Variants in SH3KBP1 observed in about 807,000 individuals in gnomAD.
The protein encoded by SH3KBP1 is SH3 domain-containing kinase-binding protein 1.
Under a neutral mutation model 50.1 loss-of-function variants are expected in SH3KBP1, and 8 were observed. The ratio of observed to expected loss-of-function variants is 0.16; its 90% CI spans 0.09 to 0.29. The LOEUF (loss-of-function observed/expected upper bound fraction) is 0.29. SH3KBP1 is among the 10% of genes least tolerant of loss of function. The pLI is 1.00. For synonymous variants in SH3KBP1, 227 were observed against 218.6 expected (o/e 1.04, Z -0.34); for missense variants, 377 against 535.2 (o/e 0.70, Z 2.92).
At chrX:19,651,607 C>T (rs1455592682) in intron 6 of SH3KBP1, among the ~76,000 whole-genome samples, 1 of 112,392 alleles carries the variant, frequency 8.9e-6, no homozygotes, top group Non-Finnish European at 1.9e-5. Flanking sequence ...TCCTTGGTTG[C>T]CTCAAAAAGT....
chrX:19,880,498 G>A (rs1035164828), intron 1 of SH3KBP1, among the ~76,000 whole-genome samples: 3 of 112,602 alleles, frequency 2.7e-5, no homozygotes, highest in African/African-American at 9.7e-5. Context: ...AACATCTCAT[G>A]TACCCCACAA....
At chrX:19,703,696 CTGTGTGTGTGTGTGTGTGTGTGTGTG>C (rs56915755) in intron 4 of SH3KBP1, among the ~76,000 whole-genome samples, 1,662 of 63,498 alleles carry the variant, frequency 0.026, 50 homozygotes, top group African/African-American at 0.088. Flanking sequence ...AAAAGAGAAA[CTGTGTGTGTGTGTGTGTGTGTGTGTG>C]TGTGTGTGTG....
At chrX:19,779,298 CAAA>C (rs750278989) in intron 2 of SH3KBP1, among the ~76,000 whole-genome samples, 5 of 48,463 alleles carry the variant, frequency 1.0e-4, no homozygotes, top group Admixed American at 2.6e-4. Context: ...GACCCTGTCT[CAAA>C]AAAAAAAAAA....
At chrX:19,876,463 A>C (rs2069255109) in intron 1 of SH3KBP1, among the ~76,000 whole-genome samples, 1 of 111,838 alleles carries the variant, frequency 8.9e-6, no homozygotes, top group Non-Finnish European at 1.9e-5. Flanking sequence ...TCAGGACAAT[A>C]GAGCAGTCTC....
chrX:19,764,986 CTTTTTTTTTTTTTT>C (rs34368819), intron 2 of SH3KBP1, among the ~76,000 whole-genome samples: 18 of 44,551 alleles, frequency 4.0e-4, no homozygotes, highest in Non-Finnish European at 5.5e-4. Context: ...TTTTGCAGTT[CTTTTTTTTTTTTTT>C]TTTTTTTTTT....
intron 13 of SH3KBP1, among the ~76,000 whole-genome samples, chrX:19,554,441 C>T (rs1240182496): frequency 6.9e-5 from 6 of 87,575 alleles, no homozygotes; most frequent in Non-Finnish European, 1.3e-4. Context: ...TTGCTCTGTC[C>T]CTCAGTCTGC....
At chrX:19,684,749 C>T (rs1473992109) in intron 5 of SH3KBP1, among the ~76,000 whole-genome samples, 1 of 112,244 alleles carries the variant, frequency 8.9e-6, no homozygotes, top group Non-Finnish European at 1.9e-5. Context: ...CCTTTAAACA[C>T]CAGTGTTTTC....
intron 12 of SH3KBP1, among the ~76,000 whole-genome samples, chrX:19,572,462 C>T (rs770194621): frequency 3.3e-4 from 35 of 104,953 alleles, no homozygotes; most frequent in African/African-American, 1.2e-3. Flanking sequence ...ATATATAGTA[C>T]ATATATACTA....
At chrX:19,562,497 A>G (rs922163293) in intron 13 of SH3KBP1, among the ~76,000 whole-genome samples, 5 of 111,559 alleles carry the variant, frequency 4.5e-5, no homozygotes, top group Admixed American at 3.8e-4. Flanking sequence ...TCTTTGTTCT[A>G]TGAGACTACT....
Position 19,569,093 on chromosome X carries a change from C to T in SH3KBP1, c.1384+10G>A. 5 of 1,198,543 alleles carry T rather than the reference C, an allele frequency of 4.2e-6. No individual in the cohort carries two copies. The highest frequency in any genetic ancestry group is 4.5e-6 in the Non-Finnish European group (4 of 883,211). On this transcript the variant is annotated intron_variant, in intron 13 of 17. Transcript: ENST00000397821. ...CTGCAAAGAGAAGCGAGAACACTGTCCTTACTCACCAATGTCATTGCTGCG... is the reference window on the plus strand; with the variant it reads ...CTGCAAAGAGAAGCGAGAACACTGTTCTTACTCACCAATGTCATTGCTGCG...
intron 6 of SH3KBP1, chrX:19,670,981 G>A: frequency 9.2e-7 from 1 of 1,087,071 alleles, no homozygotes; most frequent in Non-Finnish European, 1.2e-6. Context: ...CTAACCCTGA[G>A]TCATACTTGG....
At chrX:19,541,472 T>C (rs2147534012) in intron 16 of SH3KBP1, among the ~76,000 whole-genome samples, 1 of 112,047 alleles carries the variant, frequency 8.9e-6, no homozygotes, top group Admixed American at 9.4e-5. Context: ...TACATCTTCT[T>C]CATACATTAC....
At chrX:19,860,881 T>C (rs770551978) in intron 1 of SH3KBP1, among the ~76,000 whole-genome samples, 4 of 111,558 alleles carry the variant, frequency 3.6e-5, no homozygotes, top group East Asian at 5.6e-4. Context: ...GTATTAGATA[T>C]AGTATAGCAT....
chrX:19,798,623 G>A (rs773146894), intron 2 of SH3KBP1, among the ~76,000 whole-genome samples: 1 of 111,590 alleles, frequency 9.0e-6, no homozygotes, highest in Non-Finnish European at 1.9e-5. Context: ...TTTGGGAGGC[G>A]GGTCACCTGG....
At chrX:19,755,591 A>G (rs986201205) in intron 2 of SH3KBP1, among the ~76,000 whole-genome samples, 5 of 111,421 alleles carry the variant, frequency 4.5e-5, no homozygotes, top group African/African-American at 1.6e-4. Flanking sequence ...TGACTCAAAC[A>G]TGCAACAAGA....
At chrX:19,643,329 T>A (rs754063699) in intron 7 of SH3KBP1, among the ~76,000 whole-genome samples, 28 of 92,122 alleles carry the variant, frequency 3.0e-4, no homozygotes, top group East Asian at 1.5e-3. Context: ...TTTATTTTTT[T>A]TTTTTTTTGA....
At chrX:19,853,582 G>A (rs1400178144) in intron 1 of SH3KBP1, among the ~76,000 whole-genome samples, 1 of 111,442 alleles carries the variant, frequency 9.0e-6, no homozygotes, top group Non-Finnish European at 1.9e-5. Context: ...AAGGAAGGAA[G>A]GACAATACAG....
At position 19,605,165 on chromosome X, in the gene SH3KBP1, G is replaced by GC. The variant is rs764427544; in HGVS notation, c.1005+2772dup. On this transcript the variant is annotated intron_variant, in intron 9 of 17. Coordinates refer to ENST00000397821, the MANE Select transcript of SH3KBP1 (RefSeq NM_031892.3). ...TAGCTCTCACCTGAGTGAATTTACT[G>GC]CCCCCCCCCAAGACATGACTGGGAA... Among the ~76,000 whole-genome samples, 747 of 107,483 alleles carry GC rather than the reference G, an allele frequency of 6.9e-3. 7 individuals are homozygous for GC. The highest frequency in any genetic ancestry group is 0.015 in the South Asian group (35 of 2,410). The allele number at this position is 107,483 out of a possible 115,157, so 93.3% of individuals were successfully genotyped here. A position where few individuals can be genotyped will look rare whatever the true frequency, so the allele number is the denominator to read the frequency against.
intron 13 of SH3KBP1, among the ~76,000 whole-genome samples, chrX:19,563,390 G>A (rs1437807060): frequency 3.6e-5 from 4 of 112,144 alleles, no homozygotes; most frequent in African/African-American, 1.3e-4. Context: ...TGGGAACCAG[G>A]GGAGGGCTCA....
Sources: allele counts gnomAD v4.1 joint callset (sites outside exome capture counted in the v4.1 genomes callset), GRCh38; gene constraint gnomAD v4.1.1; transcripts MANE v1.5; gene names NCBI Gene and HGNC (gene_info 2026-07-23, HGNC 2026-07-21).